The following PAPPA variants were observed in gnomAD, a reference collection of about 807,000 sequenced individuals.
PAPPA encodes the protein pappalysin-1.
In PAPPA, 60 loss-of-function variants were observed where a neutral mutation model predicts 164.0. The ratio of observed to expected loss-of-function variants is 0.37; its 90% CI spans 0.30 to 0.45. The LOEUF (loss-of-function observed/expected upper bound fraction) is 0.45, where lower values mean the gene tolerates loss of function less well. PAPPA is among the 20% of genes least tolerant of loss of function. The pLI, the probability that PAPPA is intolerant of heterozygous loss-of-function variation, is 1.00. For synonymous variants in PAPPA, 875 were observed against 814.1 expected, an observed-to-expected ratio of 1.07 and a Z score of -1.27; for missense variants, 1,782 against 2,087.3, an observed-to-expected ratio of 0.85 and a Z score of 2.85.
chr9:116,230,863 C>T (rs1471752852), intron 6 of PAPPA, among the ~76,000 whole-genome samples: 1 of 152,130 alleles, frequency 6.6e-6, no homozygotes, highest in Non-Finnish European at 1.5e-5. Flanking sequence ...ACTCAAATCC[C>T]AGTTAAGATC....
At position 116,219,987 on chromosome 9, in the gene PAPPA, T is replaced by C. The variant is rs1365518391; in HGVS notation, c.1969T>C (p.Cys657Arg). Reference protein sequence around the residue: ...FTPNQVARMHCYLDLVYQGWQ... With the variant: ...FTPNQVARMHRYLDLVYQGWQ... ...GCCCAATCAAGTCGCCAGAATGCAC[T>C]GTTACCTGGACCTGGTCTACCAGGG... Residue 657 changes from cysteine to arginine, a missense_variant, in exon 5 of 22, where the codon TGT (cysteine) becomes CGT (arginine). Around this residue, in one of 2 missense-constraint regions of PAPPA, gnomAD observed 1,324 missense variants for 1,656.9 expected, o/e 0.80. Coordinates refer to ENST00000328252, the MANE Select transcript of PAPPA (RefSeq NM_002581.5). The C allele has an allele frequency of 6.2e-7, 1 of 1,614,004 alleles. No homozygotes were observed. Among genetic ancestry groups the C allele is most frequent in the African/African-American group, 1.3e-5 (1 of 74,936 alleles).
Position 116,272,438 on chromosome 9 carries a change from G to A in PAPPA, c.2953+1022G>A, listed in dbSNP as rs553031909. Among the ~76,000 whole-genome samples, 7 of 152,296 alleles carry A rather than the reference G, an allele frequency of 4.6e-5. No individual in the cohort carries two copies. In the East Asian group the frequency reaches 5.8e-4, roughly 13 times the overall value. ...GAGGAAAAGATAGCATTGCATCCTCGCATCTGCAGTGCATTACAGGGGTGC... is the reference window on the plus strand; with the variant it reads ...GAGGAAAAGATAGCATTGCATCCTCACATCTGCAGTGCATTACAGGGGTGC... On this transcript the variant is annotated intron_variant, in intron 9 of 21. Transcript: ENST00000328252.
chr9:116,172,428 T>C (rs1323002369), intron 1 of PAPPA, among the ~76,000 whole-genome samples: 2 of 152,186 alleles, frequency 1.3e-5, no homozygotes, highest in Non-Finnish European at 2.9e-5. Context: ...GTTGTGGAGT[T>C]TGACAGCATC....
At chr9:116,159,834 T>C (rs1050014396) in intron 1 of PAPPA, among the ~76,000 whole-genome samples, 1 of 152,168 alleles carries the variant, frequency 6.6e-6, no homozygotes, top group African/African-American at 2.4e-5. Flanking sequence ...GGACATGAAC[T>C]CAGTGATCAT....
intron 6 of PAPPA, among the ~76,000 whole-genome samples, chr9:116,230,552 T>C (rs531072452): frequency 6.6e-6 from 1 of 152,334 alleles, no homozygotes; most frequent in Admixed American, 6.5e-5. Flanking sequence ...TGAAATATAA[T>C]ATCCTTTCTA....
In PAPPA at chr9:116,169,310, C is replaced by CTTTTTTTTTTTTTTTTTTTTTTTTT. The variant is rs563871496; in HGVS notation, c.415+14726_415+14750dup. 1.3e-4 allele frequency among the ~76,000 whole-genome samples: 7 copies of CTTTTTTTTTTTTTTTTTTTTTTTTT among 52,152 alleles called. 3 individuals carry two copies. Among genetic ancestry groups the CTTTTTTTTTTTTTTTTTTTTTTTTT allele is most frequent in the Non-Finnish European group, 2.6e-4 (7 of 26,432 alleles). 34.2% of individuals were successfully genotyped at this position (52,152 alleles called of 152,430 possible). On this transcript the variant is annotated intron_variant, in intron 1 of 21. Transcript: ENST00000328252. ...GTCCTTCGGCCTCTCCAAACCCATT[C>CTTTTTTTTTTTTTTTTTTTTTTTTT]TTTTTTTTTTTTTTTTTTTTTTTTT...
At chr9:116,289,421 CATAT>C (rs149045092) in intron 9 of PAPPA, among the ~76,000 whole-genome samples, 1 of 141,798 alleles carries the variant, frequency 7.1e-6, no homozygotes, top group Admixed American at 7.2e-5. Flanking sequence ...ATATATATAG[CATAT>C]ATATATATAG....
At chr9:116,175,821 G>T (rs1843827680) in intron 1 of PAPPA, among the ~76,000 whole-genome samples, 2 of 152,046 alleles carry the variant, frequency 1.3e-5, no homozygotes, top group Admixed American at 1.3e-4. Flanking sequence ...CCTCAGAAAT[G>T]AGTCATACTG....
At chr9:116,384,048 C>T (rs1448364318) in intron 21 of PAPPA, among the ~76,000 whole-genome samples, 2 of 152,066 alleles carry the variant, frequency 1.3e-5, no homozygotes, top group Non-Finnish European at 2.9e-5. Context: ...GTATTTTTGT[C>T]GTCTGTGTAT....
rs1221273185 is a variant in PAPPA, at chr9:116,197,369, CA to C, written c.1478+9156del. Among the ~76,000 whole-genome samples the C allele has an allele frequency of 3.3e-5, 5 of 152,116 alleles. No individual in the cohort carries two copies. In the East Asian group the frequency reaches 9.6e-4, roughly 29 times the overall value. On this transcript the variant is annotated intron_variant, in intron 2 of 21. Transcript: ENST00000328252. ...ACCAGCCCCTGTAACTACTTGAGTA[CA>C]AAGTGTTCAGTGTGGTAATGAGGAG...
intron 16 of PAPPA, among the ~76,000 whole-genome samples, chr9:116,353,235 A>G (rs1846307735): frequency 6.6e-6 from 1 of 152,192 alleles, no homozygotes; most frequent in Admixed American, 6.5e-5. Flanking sequence ...GTTATGAAGA[A>G]CAAATGAAGA....
At chr9:116,285,159 T>TTTTC (rs1268299746) in intron 9 of PAPPA, among the ~76,000 whole-genome samples, 28 of 118,414 alleles carry the variant, frequency 2.4e-4, no homozygotes, top group South Asian at 1.2e-3. Flanking sequence ...TTTCTTTTTC[T>TTTTC]TTTCTTTCTT....
At chr9:116,366,685 T>G (rs1051396797) in intron 18 of PAPPA, among the ~76,000 whole-genome samples, 1 of 152,066 alleles carries the variant, frequency 6.6e-6, no homozygotes. Flanking sequence ...ATGGGGAGCA[T>G]GGGTAGTGCT....
chr9:116,195,119 T>C (rs190951459), intron 2 of PAPPA, among the ~76,000 whole-genome samples: 1 of 152,272 alleles, frequency 6.6e-6, no homozygotes, highest in African/African-American at 2.4e-5. Context: ...ACTTGTGAAG[T>C]TACTATATGT....
At chr9:116,233,125 T>G (rs1457480610) in intron 6 of PAPPA, among the ~76,000 whole-genome samples, 1 of 152,224 alleles carries the variant, frequency 6.6e-6, no homozygotes, top group African/African-American at 2.4e-5. Context: ...GGCTAGAAGG[T>G]TAACAAATAT....
In PAPPA at chr9:116,187,946, C is replaced by A; in HGVS notation, c.1208C>A (p.Ser403Tyr). ...CTGGACGTGCTGGAGGTGAGCAACTCCTCCCTTCGCCGCCGCCTCATCCTG... is the reference window on the plus strand; with the variant it reads ...CTGGACGTGCTGGAGGTGAGCAACTACTCCCTTCGCCGCCGCCTCATCCTG... ...WELDVLEVSNSSLRRRLILAN... is the reference protein window; with the variant it reads ...WELDVLEVSNYSLRRRLILAN... The change falls in exon 2 of 22, where the codon TCC becomes TAC. Residue 403 changes from serine (S) to tyrosine (Y), a missense_variant. Physicochemically the swap from Ser to Tyr is moderately radical, Grantham distance 144 (BLOSUM62 -2). Coordinates refer to ENST00000328252, the MANE Select transcript of PAPPA (RefSeq NM_002581.5). This position sits in a 1 kb window ranked among gnomAD's most constrained non-coding sequence, Gnocchi z 4.2. 1 of 1,614,152 alleles carries A rather than the reference C, an allele frequency of 6.2e-7. No homozygotes were observed. Among genetic ancestry groups the A allele is most frequent in the Non-Finnish European group, 8.5e-7 (1 of 1,180,034 alleles).
intron 9 of PAPPA, among the ~76,000 whole-genome samples, chr9:116,282,259 G>A (rs947011849): frequency 1.3e-5 from 2 of 152,134 alleles, no homozygotes; most frequent in East Asian, 1.9e-4. Context: ...CAATGTAAAT[G>A]CTACATAAAT....
At chr9:116,341,135 G>A (rs187714010) in intron 13 of PAPPA, among the ~76,000 whole-genome samples, 1 of 152,076 alleles carries the variant, frequency 6.6e-6, no homozygotes, top group East Asian at 1.9e-4. Flanking sequence ...CTGCCCTCCA[G>A]ATTCAAGTGA....
intron 10 of PAPPA, among the ~76,000 whole-genome samples, chr9:116,326,213 C>T (rs1845919071): frequency 1.3e-5 from 2 of 152,280 alleles, no homozygotes; most frequent in East Asian, 1.9e-4. Context: ...CCCAACCACA[C>T]CTGCTCTTTG....
Sources: gnomAD v4.1 joint callset for allele counts (sites outside exome capture counted in the v4.1 genomes callset) on GRCh38, gnomAD v4.1.1 for gene constraint, gnomAD v4.1.1 regional missense constraint, Gnocchi (gnomAD v3.1) non-coding constraint, MANE v1.5 for transcripts, NCBI Gene and HGNC (gene_info 2026-07-23, HGNC 2026-07-21) for gene names.